The following PSMG3 variants were observed in gnomAD, a reference collection of about 807,000 sequenced individuals.
The protein encoded by PSMG3 is proteasome assembly chaperone 3, also known as PAC-3.
In PSMG3, 4 loss-of-function variants were observed where a neutral mutation model predicts 7.9. The ratio of observed to expected loss-of-function variants is 0.51; its 90% CI spans 0.25 to 1.16. PSMG3 has a LOEUF of 1.16. PSMG3 is among the 50% of genes most tolerant of loss of function. PSMG3 has a pLI of 0.15. For synonymous variants in PSMG3, 81 were observed against 69.8 expected (o/e 1.16, Z -0.80); for missense variants, 151 against 157.4 (o/e 0.96, Z 0.22).
chr7:1,568,693 G>T (rs1778819142), intron 1 of PSMG3, among the ~76,000 whole-genome samples: 1 of 151,690 alleles, frequency 6.6e-6, no homozygotes, highest in Admixed American at 6.6e-5. Context: ...TGTTACCCAG[G>T]CTGGAGTGCT....
rs1442214635 is a variant in PSMG3, at chr7:1,569,265, ACACACCACCTGGGTGGGGACCCCG to A, written c.51_74del (p.Gly18_Cys25del). On this transcript the variant is annotated inframe_deletion, in exon 1 of 2. Coordinates refer to ENST00000288607, the MANE Select transcript of PSMG3 (RefSeq NM_032302.4). Reference sequence around the variant, plus strand: ...CCAGGATGTGACTGCTGAAGGCCGTACACACCACCTGGGTGGGGACCCCGCACACCACCTCCGTCTTCTGCTTCG... The same window carrying A: ...CCAGGATGTGACTGCTGAAGGCCGTACACACCACCTCCGTCTTCTGCTTCG... 1 of 1,613,696 alleles carries A rather than the reference ACACACCACCTGGGTGGGGACCCCG, an allele frequency of 6.2e-7. No homozygotes were observed. The highest frequency in any genetic ancestry group is 8.5e-7 in the Non-Finnish European group (1 of 1,180,016).
Position 1,569,540 on chromosome 7 carries a change from G to C in PSMG3, c.-201C>G. ...CCCGGCACTTTGGGAGGCCGAGACAGGACGATCGTTGAGGCCAGGAATTCG... is the reference window on the plus strand; with the variant it reads ...CCCGGCACTTTGGGAGGCCGAGACACGACGATCGTTGAGGCCAGGAATTCG... On this transcript the variant is annotated 5_prime_UTR_variant, in exon 1 of 2. Transcript: ENST00000288607. 2.0e-6 allele frequency: 1 copy of C among 490,358 alleles called. No homozygotes were observed. The highest frequency in any genetic ancestry group is 2.9e-5 in the South Asian group (1 of 33,958). 30.4% of individuals were successfully genotyped at this position (490,358 alleles called of 1,614,324 possible). A position where few individuals can be genotyped will look rare whatever the true frequency, so the allele number is the denominator to read the frequency against.
At position 1,567,704 on chromosome 7, in the gene PSMG3, C is replaced by T. The variant is rs1450811424; in HGVS notation, c.363G>A (p.Val121=). 1.9e-6 allele frequency: 3 copies of T among 1,613,684 alleles called. No individual in the cohort carries two copies. The highest frequency in any genetic ancestry group is 1.1e-5 in the South Asian group (1 of 91,030). The part of the protein sequence containing the change: ...ALREVIRVCQ[V]W ...CGGGGCGGCTGCCTCCAGGTCACCACACCTGGCACACCCGGATCACCTCCC... is the reference window on the plus strand; with the variant it reads ...CGGGGCGGCTGCCTCCAGGTCACCATACCTGGCACACCCGGATCACCTCCC... Residue 121 remains valine (V), a synonymous_variant, in exon 2 of 2, where the codon GTG becomes GTA. Coordinates refer to ENST00000288607, the MANE Select transcript of PSMG3 (RefSeq NM_032302.4).
At position 1,567,378 on chromosome 7, in the gene PSMG3, C is replaced by T. The variant is rs1032482148; in HGVS notation, c.*320G>A. ...TTAATAAAAAAGAAATTTCCTCCTA[C>T]AATTGATCCTGCACACGGGGGGGCC... is the stretch of plus-strand genomic sequence containing the variant. On this transcript the variant is annotated 3_prime_UTR_variant, in exon 2 of 2. Coordinates refer to ENST00000288607, the MANE Select transcript of PSMG3 (RefSeq NM_032302.4). 16 of 265,794 alleles carry T rather than the reference C, an allele frequency of 6.0e-5. No individual in the cohort carries two copies. Among genetic ancestry groups the T allele is most frequent in the African/African-American group, 3.3e-4 (15 of 45,470 alleles). 16.5% of individuals were successfully genotyped at this position (265,794 alleles called of 1,614,324 possible).
At chr7:1,568,055 A>G (rs1024529681) in intron 1 of PSMG3, among the ~76,000 whole-genome samples, 1 of 151,914 alleles carries the variant, frequency 6.6e-6, no homozygotes, top group Admixed American at 6.6e-5. Context: ...CCATCACTCC[A>G]TTCATTTTCC....
Position 1,567,633 on chromosome 7 carries a change from G to A in PSMG3, c.*65C>T, listed in dbSNP as rs112994909. On this transcript the variant is annotated 3_prime_UTR_variant, in exon 2 of 2. Coordinates refer to ENST00000288607, the MANE Select transcript of PSMG3 (RefSeq NM_032302.4). ...CACCGGGGAGGGAGGTGAGACTTGA[G>A]TCCCTGAGTGGGTGTCTGGGTGTTC... 1.3e-6 allele frequency: 2 copies of A among 1,504,980 alleles called. No homozygotes were observed. The allele number at this position is 1,504,980 out of a possible 1,614,324, so 93.2% of individuals were successfully genotyped here.
In PSMG3 at chr7:1,570,000, C is replaced by T. The variant is rs1213604980; in HGVS notation, c.-661G>A. The T allele has an allele frequency of 1.3e-5, 2 of 151,978 alleles. No homozygotes were observed. Among genetic ancestry groups the T allele is most frequent in the Admixed American group, 6.6e-5 (1 of 15,262 alleles). 9.4% of individuals were successfully genotyped at this position (151,978 alleles called of 1,614,324 possible). On this transcript the variant is annotated 5_prime_UTR_variant, in exon 1 of 2. Coordinates refer to ENST00000288607, the MANE Select transcript of PSMG3 (RefSeq NM_032302.4). Reference sequence around the variant, plus strand: ...CCGCCCGGGGAAGCCCGCGGGTACCCGCGCTCACCAAGCCGGCGCCGCGCC... The same window carrying T: ...CCGCCCGGGGAAGCCCGCGGGTACCTGCGCTCACCAAGCCGGCGCCGCGCC...
At chr7:1,568,655 C>T (rs1307598360) in intron 1 of PSMG3, among the ~76,000 whole-genome samples, 1 of 146,462 alleles carries the variant, frequency 6.8e-6, no homozygotes, top group Non-Finnish European at 1.5e-5. Flanking sequence ...TTTTCTTTTC[C>T]TTTTTTTTTT....
intron 1 of PSMG3, 39 bp downstream of exon 1, chr7:1,569,085 T>C (rs1271408948): frequency 1.3e-6 from 2 of 1,585,474 alleles, no homozygotes; most frequent in African/African-American, 2.7e-5. Context: ...GTGCTAGGGT[T>C]ACAGGCGTGA....
Position 1,569,148 on chromosome 7 carries a change from T to C in PSMG3, c.192A>G (p.Thr64=), listed in dbSNP as rs143152151. The change falls in exon 1 of 2, where the codon ACA becomes ACG. Residue 64 remains threonine, a synonymous_variant. Transcript: ENST00000288607. ...CCTCATCCTGCCCCAGAAGGACTTTTGTGGTGAGCACAGGCTTGCTGACGT... is the reference window on the plus strand; with the variant it reads ...CCTCATCCTGCCCCAGAAGGACTTTCGTGGTGAGCACAGGCTTGCTGACGT... ...ASDVSKPVLT[T]KVLLGQDEPL... is the part of the protein sequence containing the mutation. The C allele has an allele frequency of 4.0e-5, 65 of 1,613,426 alleles. No homozygotes were observed. Among genetic ancestry groups the C allele is most frequent in the Non-Finnish European group, 5.2e-5 (61 of 1,180,036 alleles).
At position 1,567,640 on chromosome 7, in the gene PSMG3, A is replaced by G; in HGVS notation, c.*58T>C. On this transcript the variant is annotated 3_prime_UTR_variant, in exon 2 of 2. Coordinates refer to ENST00000288607, the MANE Select transcript of PSMG3 (RefSeq NM_032302.4). ...GAGGGAGGTGAGACTTGAGTCCCTG[A>G]GTGGGTGTCTGGGTGTTCACGTGTC... 1 of 1,530,058 alleles carries G rather than the reference A, an allele frequency of 6.5e-7. No individual in the cohort carries two copies. Among genetic ancestry groups the G allele is most frequent in the Non-Finnish European group, 8.8e-7 (1 of 1,134,780 alleles). The allele number at this position is 1,530,058 out of a possible 1,614,324, so 94.8% of individuals were successfully genotyped here.
chr7:1,567,810 A>G lies in PSMG3; in HGVS notation c.257T>C (p.Val86Ala). The change falls in exon 2 of 2, where the codon GTG becomes GCG. Residue 86 changes from valine to alanine, a missense_variant. Physicochemically the swap from Val to Ala is moderately conservative, Grantham distance 64. Transcript: ENST00000288607. ...TGCTCTGTTTCCAGCTTCTTGAGAC[A>G]CAAACGCTACCAGGTTCTTTGCAAA... is the stretch of plus-strand genomic sequence containing the variant. ...HVFAKNLVAF[V>A]SQEAGNRAVL... 6.2e-7 allele frequency: 1 copy of G among 1,614,160 alleles called. No homozygotes were observed. The highest frequency in any genetic ancestry group is 1.1e-5 in the South Asian group (1 of 91,070).
intron 1 of PSMG3, among the ~76,000 whole-genome samples, chr7:1,568,113 G>T (rs1475696833): frequency 1.3e-5 from 2 of 152,038 alleles, no homozygotes; most frequent in African/African-American, 4.8e-5. Flanking sequence ...TCATCTAAAA[G>T]AACCCAGGAA....
chr7:1,567,460 G>A lies in PSMG3; in HGVS notation c.*238C>T. On this transcript the variant is annotated 3_prime_UTR_variant, in exon 2 of 2. Transcript: ENST00000288607. ...TTCTCAAACACAAGCAACGATTCAGGTCCTGGTGAGAACCATTCACGACTC... is the reference window on the plus strand; with the variant it reads ...TTCTCAAACACAAGCAACGATTCAGATCCTGGTGAGAACCATTCACGACTC... 2.5e-6 allele frequency: 1 copy of A among 400,904 alleles called. No individual in the cohort carries two copies. Among genetic ancestry groups the A allele is most frequent in the Non-Finnish European group, 4.4e-6 (1 of 226,854 alleles). The allele number at this position is 400,904 out of a possible 1,614,324, so 24.8% of individuals were successfully genotyped here. A position where few individuals can be genotyped will look rare whatever the true frequency, so the allele number is the denominator to read the frequency against.
In PSMG3 at chr7:1,569,600, T is replaced by A; in HGVS notation, c.-261A>T. 3.1e-5 allele frequency: 6 copies of A among 191,362 alleles called. No homozygotes were observed. Among genetic ancestry groups the A allele is most frequent in the Non-Finnish European group, 5.9e-5 (6 of 102,292 alleles). 11.9% of individuals were successfully genotyped at this position (191,362 alleles called of 1,614,324 possible). On this transcript the variant is annotated 5_prime_UTR_variant, in exon 1 of 2. Transcript: ENST00000288607. ...TGGCCAACATAGCGAGACCCCCATCTCTACCAAAAAAAAAAAAAAAAAAAA... is the reference window on the plus strand; with the variant it reads ...TGGCCAACATAGCGAGACCCCCATCACTACCAAAAAAAAAAAAAAAAAAAA...
At chr7:1,568,678 C>CT (rs1455988135) in intron 1 of PSMG3, among the ~76,000 whole-genome samples, 1 of 151,446 alleles carries the variant, frequency 6.6e-6, no homozygotes, top group Admixed American at 6.6e-5. Flanking sequence ...GACCAAGTCT[C>CT]TATCTGTTAC....
chr7:1,569,396 G>T lies in PSMG3; in HGVS notation c.-57C>A, dbSNP rs1778837212. On this transcript the variant is annotated 5_prime_UTR_variant, in exon 1 of 2. Coordinates refer to ENST00000288607, the MANE Select transcript of PSMG3 (RefSeq NM_032302.4). Reference sequence around the variant, plus strand: ...GGTTAAAAAGAAAGGGGAAAAAAAGGAGTCAATCAAACAGTACAGCCTTGG... The same window carrying T: ...GGTTAAAAAGAAAGGGGAAAAAAAGTAGTCAATCAAACAGTACAGCCTTGG... 7.0e-7 allele frequency: 1 copy of T among 1,429,622 alleles called. No individual in the cohort carries two copies. Among genetic ancestry groups the T allele is most frequent in the Non-Finnish European group, 9.5e-7 (1 of 1,054,932 alleles). 88.6% of individuals were successfully genotyped at this position (1,429,622 alleles called of 1,614,324 possible). A position where few individuals can be genotyped will look rare whatever the true frequency, so the allele number is the denominator to read the frequency against.
At chr7:1,568,171 C>T (rs1418346901) in intron 1 of PSMG3, among the ~76,000 whole-genome samples, 1 of 152,058 alleles carries the variant, frequency 6.6e-6, no homozygotes, top group East Asian at 1.9e-4. Flanking sequence ...GTGTGATCTC[C>T]ACAGAGCACA....
rs973861964 is a variant in PSMG3 at position 1,569,639 on chromosome 7, C to T, written c.-300G>A. The T allele has an allele frequency of 2.9e-5, 8 of 276,954 alleles. No homozygotes were observed. Among genetic ancestry groups the T allele is most frequent in the Non-Finnish European group, 5.5e-5 (8 of 144,884 alleles). The allele number at this position is 276,954 out of a possible 1,614,324, so 17.2% of individuals were successfully genotyped here. The stretch of plus-strand genomic sequence containing the variant: ...AAAAAAAAAAAACCAGCAGGGCGCG[C>T]CTGTGGTCCCAGTTACTCAGGAGGC... On this transcript the variant is annotated 5_prime_UTR_variant, in exon 1 of 2. Coordinates refer to ENST00000288607, the MANE Select transcript of PSMG3 (RefSeq NM_032302.4).
Sources: allele counts gnomAD v4.1 joint callset (sites outside exome capture counted in the v4.1 genomes callset), GRCh38; gene constraint gnomAD v4.1.1; transcripts MANE v1.5; gene names NCBI Gene and HGNC (gene_info 2026-07-23, HGNC 2026-07-21).